The following CHMP4C variants were observed in gnomAD, a reference collection of about 807,000 sequenced individuals.
CHMP4C encodes the protein SNF7 homolog associated with Alix 3.
In CHMP4C, 28 loss-of-function variants were observed where a neutral mutation model predicts 29.0. The observed-to-expected ratio is 0.97, with a 90% confidence interval of 0.72 to 1.32. The LOEUF is 1.32. Among genes scored for constraint, CHMP4C ranks in the 40% most tolerant of loss-of-function variants. CHMP4C has a pLI of 0.00. For synonymous variants in CHMP4C, 106 were observed against 102.4 expected (o/e 1.04, Z -0.21); for missense variants, 291 against 281.0 (o/e 1.04, Z -0.25).
chr8:81,745,881 A>C (rs545320466), intron 1 of CHMP4C, among the ~76,000 whole-genome samples: 11 of 151,686 alleles, frequency 7.3e-5, no homozygotes, highest in Non-Finnish European at 1.3e-4. Context: ...GGAAGATTGA[A>C]CTGCACCTTC....
chr8:81,738,273 T>G (rs373197970), intron 1 of CHMP4C, among the ~76,000 whole-genome samples: 20 of 152,246 alleles, frequency 1.3e-4, no homozygotes, highest in East Asian at 9.6e-4. Flanking sequence ...GAAAGCAAAT[T>G]TGGCCAAAAC....
intron 2 of CHMP4C, among the ~76,000 whole-genome samples, chr8:81,754,051 G>A (rs955425451): frequency 2.6e-5 from 4 of 152,120 alleles, no homozygotes; most frequent in Non-Finnish European, 5.9e-5. Context: ...AGCAATGAGT[G>A]CCTAAGAGAT....
At chr8:81,750,578 C>A (rs772651812) in intron 1 of CHMP4C, among the ~76,000 whole-genome samples, 2 of 151,828 alleles carry the variant, frequency 1.3e-5, no homozygotes, top group Non-Finnish European at 2.9e-5. Flanking sequence ...GCATCCAGCC[C>A]GAGTGACAGA....
chr8:81,739,199 T>A (rs1048628537), intron 1 of CHMP4C, among the ~76,000 whole-genome samples: 1 of 149,728 alleles, frequency 6.7e-6, no homozygotes. Context: ...CGGGTTCAAG[T>A]GATTCTCCTG....
intron 2 of CHMP4C, among the ~76,000 whole-genome samples, chr8:81,753,701 T>C (rs535275696): frequency 1.4e-3 from 215 of 152,218 alleles, no homozygotes; most frequent in African/African-American, 5.0e-3. Flanking sequence ...TGAGAACCAC[T>C]GACACAGAAG....
chr8:81,732,564 G>T lies in CHMP4C; in HGVS notation c.-63G>T. The stretch of plus-strand genomic sequence containing the variant: ...GACTGCCTTGCTCACCTGTCCCCTC[G>T]GCGCGGCCCCGGGGAGCTCCCGAGA... On this transcript the variant is annotated 5_prime_UTR_variant, in exon 1 of 5. Transcript: ENST00000297265. 1 of 1,325,332 alleles carries T rather than the reference G, an allele frequency of 7.5e-7. No homozygotes were observed. The highest frequency in any genetic ancestry group is 2.7e-5 in the Admixed American group (1 of 37,206). 82.1% of individuals were successfully genotyped at this position (1,325,332 alleles called of 1,614,324 possible).
chr8:81,755,418 GGATATCGCCCAA>G lies in CHMP4C; in HGVS notation c.420_431del (p.Asp140_Gln143del). 1 of 1,612,518 alleles carries G rather than the reference GGATATCGCCCAA, an allele frequency of 6.2e-7. No individual in the cohort carries two copies. The highest frequency in any genetic ancestry group is 1.1e-5 in the South Asian group (1 of 90,976). On this transcript the variant is annotated inframe_deletion, in exon 3 of 5. Coordinates refer to ENST00000297265, the MANE Select transcript of CHMP4C (RefSeq NM_152284.4). The stretch of plus-strand genomic sequence containing the variant: ...TGATGCAAGAGATCACAGAGCAACA[GGATATCGCCCAA>G]GAAATCTCAGAAGCATTTTCTCAAC...
intron 3 of CHMP4C, among the ~76,000 whole-genome samples, chr8:81,755,818 G>A (rs989425202): frequency 2.6e-5 from 4 of 152,154 alleles, no homozygotes; most frequent in Admixed American, 6.6e-5. Context: ...AGTAGACTTC[G>A]TCATTCTGCA....
At chr8:81,746,359 C>T (rs891618428) in intron 1 of CHMP4C, among the ~76,000 whole-genome samples, 1 of 152,198 alleles carries the variant, frequency 6.6e-6, no homozygotes, top group African/African-American at 2.4e-5. Flanking sequence ...GTCTGCAAGG[C>T]AGCCTGGCAC....
chr8:81,741,187 G>A (rs1808758559), intron 1 of CHMP4C, among the ~76,000 whole-genome samples: 1 of 151,942 alleles, frequency 6.6e-6, no homozygotes, highest in Admixed American at 6.6e-5. Context: ...TGAATTTGGA[G>A]CAGTATTGTA....
intron 1 of CHMP4C, among the ~76,000 whole-genome samples, chr8:81,746,087 C>T (rs1808819723): frequency 6.6e-6 from 1 of 152,140 alleles, no homozygotes; most frequent in African/African-American, 2.4e-5. Context: ...TAAGGAACAG[C>T]TCACTGAGAG....
rs184193614 is a variant in CHMP4C, at chr8:81,747,860, G to A, written c.191-5204G>A. On this transcript the variant is annotated intron_variant, in intron 1 of 4. Transcript: ENST00000297265. Reference sequence around the variant, plus strand: ...AAATTAAAATTGCTAATGAAGTTTCGGGCACCATTGTCATTGATAACATCT... The same window carrying A: ...AAATTAAAATTGCTAATGAAGTTTCAGGCACCATTGTCATTGATAACATCT... Among the ~76,000 whole-genome samples, 210 of 152,136 alleles carry A rather than the reference G, an allele frequency of 1.4e-3. 2 individuals are homozygous for A. The highest frequency in any genetic ancestry group is 4.5e-3 in the African/African-American group (186 of 41,496).
At chr8:81,756,693 T>G (rs1281766533) in intron 3 of CHMP4C, among the ~76,000 whole-genome samples, 1 of 152,206 alleles carries the variant, frequency 6.6e-6, no homozygotes, top group Admixed American at 6.5e-5. Flanking sequence ...ATTACTCTGT[T>G]GTTACCATAT....
intron 3 of CHMP4C, among the ~76,000 whole-genome samples, chr8:81,757,329 G>A (rs980893873): frequency 3.3e-5 from 5 of 152,098 alleles, no homozygotes; most frequent in East Asian, 1.9e-4. Context: ...AATATAAGGT[G>A]TCCCAAGTCA....
chr8:81,733,426 T>C (rs1369210215), intron 1 of CHMP4C, among the ~76,000 whole-genome samples: 1 of 152,134 alleles, frequency 6.6e-6, no homozygotes, highest in Non-Finnish European at 1.5e-5. Flanking sequence ...ACATTTTAAC[T>C]TGCACGTAAA....
At chr8:81,733,469 T>C (rs1482050547) in intron 1 of CHMP4C, among the ~76,000 whole-genome samples, 1 of 152,084 alleles carries the variant, frequency 6.6e-6, no homozygotes, top group Non-Finnish European at 1.5e-5. Flanking sequence ...TACGTTGTGG[T>C]CTACCTTGCT....
intron 1 of CHMP4C, among the ~76,000 whole-genome samples, chr8:81,751,905 A>G (rs1454778318): frequency 6.6e-6 from 1 of 152,186 alleles, no homozygotes; most frequent in Non-Finnish European, 1.5e-5. Flanking sequence ...AAATTTTTAG[A>G]GACAAATTGT....
chr8:81,748,058 C>T (rs537308812), intron 1 of CHMP4C, among the ~76,000 whole-genome samples: 29 of 152,270 alleles, frequency 1.9e-4, no homozygotes, highest in African/African-American at 7.0e-4. Flanking sequence ...GAGACCTACC[C>T]ATAGGTGCGC....
At chr8:81,754,439 GGTAAAA>G (rs1430747291) in intron 2 of CHMP4C, among the ~76,000 whole-genome samples, 1 of 152,026 alleles carries the variant, frequency 6.6e-6, no homozygotes, top group Non-Finnish European at 1.5e-5. Context: ...GTCAGAGGGA[GGTAAAA>G]GTATTCTTTT....
Sources: gnomAD v4.1 joint callset for allele counts (sites outside exome capture counted in the v4.1 genomes callset) on GRCh38, gnomAD v4.1.1 for gene constraint, MANE v1.5 for transcripts, NCBI Gene and HGNC (gene_info 2026-07-23, HGNC 2026-07-21) for gene names.